The following SLC49A4 variants were observed in gnomAD, a reference collection of about 807,000 sequenced individuals.
SLC49A4 encodes solute carrier family 49 member 4.
SLC49A4 carries 36 observed loss-of-function variants against 50.6 expected under a neutral mutation model. The observed-to-expected ratio is 0.71, with a 90% CI of 0.55 to 0.94. SLC49A4 has a LOEUF of 0.94. Ranked by LOEUF, SLC49A4 falls within the 40% of genes least tolerant of loss-of-function variation. The pLI is 0.00. For missense variants in SLC49A4, 503 were observed against 605.7 expected (o/e 0.83, Z 1.78); for synonymous variants, 248 against 241.2 (o/e 1.03, Z -0.26).
intron 2 of SLC49A4, among the ~76,000 whole-genome samples, chr3:122,812,849 G>A (rs1192831322): frequency 1.3e-5 from 2 of 152,060 alleles, no homozygotes; most frequent in African/African-American, 4.8e-5. Flanking sequence ...GCAACTCAAG[G>A]CAAGTAAAAC....
chr3:122,864,500 A>G (rs1399065328), intron 7 of SLC49A4, among the ~76,000 whole-genome samples: 1 of 152,206 alleles, frequency 6.6e-6, no homozygotes, highest in African/African-American at 2.4e-5. Context: ...GTTTACTGAA[A>G]CAGTATAATT....
chr3:122,849,295 A>G (rs911102217), intron 5 of SLC49A4, among the ~76,000 whole-genome samples: 5 of 152,098 alleles, frequency 3.3e-5, no homozygotes, highest in South Asian at 2.1e-4. Flanking sequence ...TACTGATTTT[A>G]TATACTGATT....
intron 2 of SLC49A4, among the ~76,000 whole-genome samples, chr3:122,824,676 C>CCTTCCCTCCCTCCCTTCCTTT (rs1419159666): frequency 6.8e-6 from 1 of 146,002 alleles, no homozygotes; most frequent in African/African-American, 2.5e-5. Flanking sequence ...TTCCTTCCTT[C>CCTTCCCTCCCTCCCTTCCTTT]CTTCCCTCCC....
At chr3:122,867,555 A>G (rs1336357228) in intron 7 of SLC49A4, among the ~76,000 whole-genome samples, 1 of 152,236 alleles carries the variant, frequency 6.6e-6, no homozygotes, top group Non-Finnish European at 1.5e-5. Flanking sequence ...TATAAATCCA[A>G]GATTATAAAG....
chr3:122,840,239 G>C (rs1936752909), intron 4 of SLC49A4, among the ~76,000 whole-genome samples: 1 of 152,136 alleles, frequency 6.6e-6, no homozygotes, highest in African/African-American at 2.4e-5. Context: ...AGAATGGAGA[G>C]GATGGTGGAG....
intron 4 of SLC49A4, among the ~76,000 whole-genome samples, chr3:122,842,345 G>C (rs1342316898): frequency 6.6e-6 from 1 of 151,964 alleles, no homozygotes; most frequent in African/African-American, 2.4e-5. Context: ...AATTAACCGG[G>C]CTTGGTAGCG....
chr3:122,795,128 G>T lies in SLC49A4; in HGVS notation c.-65G>T, dbSNP rs1159737796. ...GCCTCCTGCTGCTCAGGACTATTCT[G>T]CGCTGGGCTAGTCGGCGGTGACCCG... is the stretch of plus-strand genomic sequence containing the variant. On this transcript the variant is annotated 5_prime_UTR_variant, in exon 1 of 9. Coordinates refer to ENST00000261038, the MANE Select transcript of SLC49A4 (RefSeq NM_032839.3). The T allele has an allele frequency of 2.3e-6, 3 of 1,294,814 alleles. No individual in the cohort carries two copies. Among genetic ancestry groups the T allele is most frequent in the African/African-American group, 1.6e-5 (1 of 64,326 alleles). The allele number at this position is 1,294,814 out of a possible 1,614,324, so 80.2% of individuals were successfully genotyped here. A position where few individuals can be genotyped will look rare whatever the true frequency, so the allele number is the denominator to read the frequency against.
At chr3:122,878,833 T>C (rs1302651787) in intron 8 of SLC49A4, among the ~76,000 whole-genome samples, 3 of 152,238 alleles carry the variant, frequency 2.0e-5, no homozygotes, top group Non-Finnish European at 2.9e-5. Flanking sequence ...CCAAAACATA[T>C]AAAAGTGTTA....
rs777411292 is a variant in SLC49A4 at position 122,845,749 on chromosome 3, T to C, written c.834-14T>C. On this transcript the variant is annotated splice_polypyrimidine_tract_variant and intron_variant, in intron 4 of 8. Coordinates refer to ENST00000261038, the MANE Select transcript of SLC49A4 (RefSeq NM_032839.3). ...TAATTTGTTACAATGTTTCCTTTTA[T>C]TTCTCATTCACAGCAATTTTCGATT... 6 of 1,495,018 alleles carry C rather than the reference T, an allele frequency of 4.0e-6. No homozygotes were observed. Among genetic ancestry groups the C allele is most frequent in the Non-Finnish European group, 5.5e-6 (6 of 1,095,220 alleles). The allele number at this position is 1,495,018 out of a possible 1,614,324, so 92.6% of individuals were successfully genotyped here. A position where few individuals can be genotyped will look rare whatever the true frequency, so the allele number is the denominator to read the frequency against.
rs1935991013 is a variant in SLC49A4, at chr3:122,795,119, G to T, written c.-74G>T. ...GCAGCCTCCGCCTCCTGCTGCTCAGGACTATTCTGCGCTGGGCTAGTCGGC... is the reference window on the plus strand; with the variant it reads ...GCAGCCTCCGCCTCCTGCTGCTCAGTACTATTCTGCGCTGGGCTAGTCGGC... On this transcript the variant is annotated 5_prime_UTR_variant, in exon 1 of 9. Transcript: ENST00000261038. 1 of 1,264,610 alleles carries T rather than the reference G, an allele frequency of 7.9e-7. No homozygotes were observed. The highest frequency in any genetic ancestry group is 4.2e-5 in the Admixed American group (1 of 23,540). 78.3% of individuals were successfully genotyped at this position (1,264,610 alleles called of 1,614,324 possible).
intron 4 of SLC49A4, among the ~76,000 whole-genome samples, chr3:122,836,852 G>A (rs1010744065): frequency 1.7e-4 from 26 of 152,086 alleles, no homozygotes; most frequent in African/African-American, 2.4e-4. Context: ...GCTGATAAGC[G>A]ACTTCAGCAA....
intron 2 of SLC49A4, among the ~76,000 whole-genome samples, chr3:122,824,559 C>T (rs990364409): frequency 3.3e-5 from 5 of 151,878 alleles, no homozygotes; most frequent in African/African-American, 1.2e-4. Context: ...TGCTTCTCTT[C>T]TCTTCTCTTC....
chr3:122,862,737 A>G (rs562137912), intron 7 of SLC49A4, among the ~76,000 whole-genome samples: 5 of 152,364 alleles, frequency 3.3e-5, no homozygotes, highest in Admixed American at 3.3e-4. Context: ...AATTAAGTGT[A>G]GAATTTTTAT....
chr3:122,837,366 T>C (rs577374030), intron 4 of SLC49A4, among the ~76,000 whole-genome samples: 5 of 152,170 alleles, frequency 3.3e-5, no homozygotes, highest in Admixed American at 6.5e-5. Context: ...AACAGAGATA[T>C]AGACCAATGG....
rs542011412 is a variant in SLC49A4 at position 122,810,387 on chromosome 3, A to G, written c.437+3437A>G. 4.6e-5 allele frequency among the ~76,000 whole-genome samples: 7 copies of G among 152,322 alleles called. No homozygotes were observed. The East Asian group carries it at 7.7e-4, about 17-fold the overall frequency. ...ATTTTTTCTTCTATGATCTCGAACA[A>G]AATAATACCCCAAAAAAATTGTAAA... On this transcript the variant is annotated intron_variant, in intron 2 of 8. Transcript: ENST00000261038.
At chr3:122,845,607 GTTTTTT>G (rs35604258) in intron 4 of SLC49A4, among the ~76,000 whole-genome samples, 150 bp from the exon 5 acceptor site, 1 of 97,442 alleles carries the variant, frequency 1.0e-5, no homozygotes, top group Non-Finnish European at 2.0e-5. Flanking sequence ...TTTCCAGCAC[GTTTTTT>G]TTTTTTTTTT....
Position 122,868,859 on chromosome 3 carries a change from G to T in SLC49A4, c.1139-3556G>T, listed in dbSNP as rs972978874. Reference sequence around the variant, plus strand: ...AATTGAATGAAAATCTCTAATTTTTGATTACTGGCCTCTGAAGTTATATCA... The same window carrying T: ...AATTGAATGAAAATCTCTAATTTTTTATTACTGGCCTCTGAAGTTATATCA... On this transcript the variant is annotated intron_variant, in intron 7 of 8. Transcript: ENST00000261038. 3.9e-5 allele frequency among the ~76,000 whole-genome samples: 6 copies of T among 152,170 alleles called. No individual in the cohort carries two copies. The East Asian group carries it at 1.2e-3, about 29-fold the overall frequency.
At chr3:122,833,555 G>T (rs1936636705) in intron 4 of SLC49A4, 109 bp downstream of exon 4, 3 of 1,002,492 alleles carry the variant, frequency 3.0e-6, no homozygotes, top group Non-Finnish European at 2.8e-6. Flanking sequence ...TATTAATTAG[G>T]TTGTAAGTAA....
At chr3:122,820,371 G>A (rs2107562701) in intron 2 of SLC49A4, among the ~76,000 whole-genome samples, 1 of 152,286 alleles carries the variant, frequency 6.6e-6, no homozygotes, top group East Asian at 1.9e-4. Flanking sequence ...GATTTTACAT[G>A]TGTTATTAAC....
Sources: gnomAD v4.1 joint callset for allele counts (sites outside exome capture counted in the v4.1 genomes callset) on GRCh38, gnomAD v4.1.1 for gene constraint, MANE v1.5 for transcripts, NCBI Gene and HGNC (gene_info 2026-07-23, HGNC 2026-07-21) for gene names.